MYO16: variants seen among roughly 807,000 people sequenced by gnomAD.
MYO16 encodes the protein unconventional myosin-XVI.
Under a neutral mutation model 205.3 loss-of-function variants are expected in MYO16, and 94 were observed. The ratio of observed to expected loss-of-function variants is 0.46; its 90% CI spans 0.39 to 0.54. MYO16 has a LOEUF of 0.54. Among genes scored for constraint, MYO16 ranks in the 20% least tolerant of loss-of-function variants. The probability of loss-of-function intolerance (pLI) is 0.00; values close to 1 mark genes in which losing one functional copy is unlikely to be tolerated. For missense variants in MYO16, 2,315 were observed against 2,387.5 expected, an observed-to-expected ratio of 0.97 and a Z score of 0.63; for synonymous variants, 988 against 954.0, an observed-to-expected ratio of 1.04 and a Z score of -0.66.
the MYO16 span, among the ~76,000 whole-genome samples, chr13:108,526,605 G>A: frequency 1.3e-5 from 2 of 152,178 alleles, no homozygotes; most frequent in South Asian, 2.1e-4. Flanking sequence ...CTTTACAAAC[G>A]AAATCATTTT....
At chr13:109,062,319 A>T (rs117975890) in intron 27 of MYO16, among the ~76,000 whole-genome samples, 4,280 of 152,264 alleles carry the variant, frequency 0.028, 67 homozygotes, top group Non-Finnish European at 0.04. Context: ...GTGTTTAACA[A>T]ATGTTTTCAA....
intron 16 of MYO16, among the ~76,000 whole-genome samples, chr13:108,936,461 T>C (rs2139303932): frequency 6.6e-6 from 1 of 152,246 alleles, no homozygotes; most frequent in African/African-American, 2.4e-5. Flanking sequence ...GGTGATTCTA[T>C]GTTTCCAAGA....
chr13:109,106,820 C>T (rs924106976), intron 28 of MYO16, among the ~76,000 whole-genome samples: 3 of 152,066 alleles, frequency 2.0e-5, no homozygotes, highest in African/African-American at 4.8e-5. Flanking sequence ...AAGAAGATGT[C>T]GAGAACTTCG....
At chr13:108,637,082 G>A (rs574830517) in intron 1 of MYO16, among the ~76,000 whole-genome samples, 1 of 152,234 alleles carries the variant, frequency 6.6e-6, no homozygotes, top group Admixed American at 6.5e-5. Context: ...ATATATGTAT[G>A]CATATATACA....
At chr13:108,582,102 A>C in the MYO16 span, among the ~76,000 whole-genome samples, 1 of 152,130 alleles carries the variant, frequency 6.6e-6, no homozygotes, top group Non-Finnish European at 1.5e-5. Context: ...AATATGAAGA[A>C]AAGATTTTCC....
intron 2 of MYO16, among the ~76,000 whole-genome samples, chr13:108,701,817 G>A (rs982560197): frequency 3.9e-5 from 6 of 152,014 alleles, no homozygotes; most frequent in Admixed American, 2.6e-4. Flanking sequence ...TGTCTAAATC[G>A]CTAAAGGAAA....
chr13:108,721,492 G>A (rs1003146089), intron 3 of MYO16, among the ~76,000 whole-genome samples: 2 of 152,118 alleles, frequency 1.3e-5, no homozygotes, highest in Non-Finnish European at 2.9e-5. Context: ...CAGGAGGGAT[G>A]ACATTTTGGG....
At chr13:108,572,027 T>C in the MYO16 span, among the ~76,000 whole-genome samples, 1 of 151,904 alleles carries the variant, frequency 6.6e-6, no homozygotes, top group African/African-American at 2.4e-5. Context: ...TCAAGCAATC[T>C]TCCTGCCTCA....
intron 16 of MYO16, among the ~76,000 whole-genome samples, chr13:108,920,453 G>C (rs923416594): frequency 1.1e-4 from 16 of 141,164 alleles, no homozygotes; most frequent in African/African-American, 3.5e-4. Context: ...TTCTGTCTCT[G>C]TCTCTCTTTC....
chr13:109,107,318 G>T (rs1042695487), intron 28 of MYO16, among the ~76,000 whole-genome samples: 1 of 152,146 alleles, frequency 6.6e-6, no homozygotes, highest in African/African-American at 2.4e-5. Context: ...TACCCAAATA[G>T]TTTGAAATAA....
intron 16 of MYO16, among the ~76,000 whole-genome samples, chr13:108,943,480 C>T (rs577800329): frequency 1.3e-4 from 20 of 151,618 alleles, no homozygotes; most frequent in South Asian, 2.1e-4. Flanking sequence ...TTTTTTGAGA[C>T]GGAGTCTCAC....
chr13:108,865,722 T>A (rs974563758), intron 11 of MYO16, among the ~76,000 whole-genome samples: 5 of 152,122 alleles, frequency 3.3e-5, no homozygotes, highest in Admixed American at 3.3e-4. Context: ...TATCTCATTG[T>A]CACTTTTTAA....
chr13:108,644,514 T>C (rs1880665431), intron 1 of MYO16, among the ~76,000 whole-genome samples: 1 of 152,180 alleles, frequency 6.6e-6, no homozygotes, highest in East Asian at 1.9e-4. Context: ...TTTAAATAAT[T>C]AGTAGCAATG....
intron 16 of MYO16, among the ~76,000 whole-genome samples, chr13:108,913,479 TG>T (rs1881356720): frequency 6.6e-6 from 1 of 152,206 alleles, no homozygotes; most frequent in Non-Finnish European, 1.5e-5. Context: ...AAATTTAGGT[TG>T]GTATCTAATC....
chr13:108,572,714 C>A, the MYO16 span, among the ~76,000 whole-genome samples: 2 of 152,156 alleles, frequency 1.3e-5, no homozygotes, highest in African/African-American at 4.8e-5. Flanking sequence ...TTATATTCCT[C>A]ATGATTTCAA....
intron 5 of MYO16, among the ~76,000 whole-genome samples, chr13:108,792,512 CTT>C (rs35311611): frequency 0.01 from 1,343 of 129,294 alleles, 14 homozygotes; most frequent in African/African-American, 0.031. Flanking sequence ...ATACTAATGT[CTT>C]TTTTTTTTTT....
chr13:109,161,948 G>T (rs1022594620), intron 32 of MYO16, among the ~76,000 whole-genome samples: 3 of 152,056 alleles, frequency 2.0e-5, no homozygotes, highest in African/African-American at 7.2e-5. Flanking sequence ...AATTAGCCGG[G>T]CATGGTGGCA....
At chr13:109,023,334 A>AAT (rs374710336) in intron 23 of MYO16, among the ~76,000 whole-genome samples, 16 of 54,334 alleles carry the variant, frequency 2.9e-4, no homozygotes, top group East Asian at 2.1e-3. Flanking sequence ...TACAGATATA[A>AAT]ATATATATTT....
At chr13:108,731,319 AAG>A (rs1884515322) in intron 4 of MYO16, among the ~76,000 whole-genome samples, 2 of 152,196 alleles carry the variant, frequency 1.3e-5, no homozygotes, top group South Asian at 4.1e-4. Flanking sequence ...AAATGAATGA[AAG>A]AAAGCAGGCC....
Sources: allele counts gnomAD v4.1 joint callset (sites outside exome capture counted in the v4.1 genomes callset), GRCh38; gene constraint gnomAD v4.1.1; transcripts MANE v1.5; gene names NCBI Gene and HGNC (gene_info 2026-07-23, HGNC 2026-07-21).